MROH9: variants seen among roughly 807,000 people sequenced by gnomAD.
MROH9 encodes maestro heat-like repeat-containing protein family member 9.
MROH9 carries 92 observed loss-of-function variants against 98.2 expected under a neutral mutation model. The observed-to-expected ratio is 0.94, with a 90% CI of 0.79 to 1.11. The LOEUF is 1.11. MROH9 is among the 50% of genes most tolerant of loss of function. The pLI is 0.00. For missense variants in MROH9, 1,057 were observed against 1,014.8 expected (o/e 1.04, Z -0.57); for synonymous variants, 397 against 368.9 (o/e 1.08, Z -0.87).
intron 6 of MROH9, among the ~76,000 whole-genome samples, chr1:170,964,356 G>A (rs911398300): frequency 1.3e-5 from 2 of 151,974 alleles, no homozygotes. Flanking sequence ...ACAAGGCAGA[G>A]AGGCTGACCC....
Position 171,062,140 on chromosome 1 carries a change from G to A in MROH9, c.2290G>A (p.Ala764Thr). The A allele has an allele frequency of 6.5e-7, 1 of 1,546,836 alleles. No individual in the cohort carries two copies. Among genetic ancestry groups the A allele is most frequent in the Non-Finnish European group, 8.8e-7 (1 of 1,142,792 alleles). The change falls in exon 21 of 22, where the codon GCA becomes ACA. Residue 764 changes from alanine (A) to threonine (T), a missense_variant. Coordinates refer to ENST00000367759, the MANE Select transcript of MROH9 (RefSeq NM_001163629.2). ...RASVILIGYL[A>T]KSGGHLLLRD... is the part of the protein sequence containing the mutation. Reference sequence around the variant, plus strand: ...TTTTATTATGTGCATAGGATATTTGGCAAAATCAGGTGGTCATTTACTGCT... The same window carrying A: ...TTTTATTATGTGCATAGGATATTTGACAAAATCAGGTGGTCATTTACTGCT...
intron 17 of MROH9, among the ~76,000 whole-genome samples, chr1:171,016,940 A>T (rs1037611859): frequency 6.6e-6 from 1 of 152,160 alleles, no homozygotes; most frequent in Non-Finnish European, 1.5e-5. Context: ...TTTTTAAAGA[A>T]CTCCACAATA....
intron 10 of MROH9, among the ~76,000 whole-genome samples, chr1:170,989,242 G>A (rs1651261526): frequency 6.6e-6 from 1 of 152,144 alleles, no homozygotes. Flanking sequence ...GATCTGAGTG[G>A]ATTAAATTTG....
chr1:170,942,400 CA>C (rs1649156849), intron 1 of MROH9, among the ~76,000 whole-genome samples: 4 of 150,282 alleles, frequency 2.7e-5, no homozygotes, highest in African/African-American at 5.0e-5. Flanking sequence ...CACACACACA[CA>C]CACACACACC....
chr1:170,954,470 G>T (rs1301952969), intron 3 of MROH9, among the ~76,000 whole-genome samples: 2 of 152,062 alleles, frequency 1.3e-5, no homozygotes, highest in South Asian at 2.1e-4. Context: ...TGGGAGTAAA[G>T]ATGTCTCTTT....
chr1:170,971,158 T>C (rs1348530872), intron 7 of MROH9, among the ~76,000 whole-genome samples: 2 of 152,170 alleles, frequency 1.3e-5, no homozygotes, highest in East Asian at 3.9e-4. Flanking sequence ...TCTAAATATT[T>C]GATCAGTCTA....
At chr1:170,963,986 G>A (rs150493038) in intron 6 of MROH9, among the ~76,000 whole-genome samples, 248 of 152,132 alleles carry the variant, frequency 1.6e-3, no homozygotes, top group Non-Finnish European at 3.2e-3. Flanking sequence ...ACCCTTCACC[G>A]TGATTATGAA....
At position 171,064,301 on chromosome 1, in the gene MROH9, T is replaced by G. The variant is rs1292009319; in HGVS notation, c.2547T>G (p.Pro849=). 6.5e-7 allele frequency: 1 copy of G among 1,547,404 alleles called. No homozygotes were observed. The highest frequency in any genetic ancestry group is 1.2e-5 in the South Asian group (1 of 82,916). Residue 849 remains proline (P), a synonymous_variant, in exon 22 of 22, where the codon CCT becomes CCG. Transcript: ENST00000367759. ...CACCCAATGGCCAGATAGACAGTCCTACAGACAGTAAAGATGTCAAGAATG... is the reference window on the plus strand; with the variant it reads ...CACCCAATGGCCAGATAGACAGTCCGACAGACAGTAAAGATGTCAAGAATG... The part of the protein sequence containing the change: ...YNSPNGQIDS[P]TDSKDVKNDK...
At chr1:170,964,203 G>A (rs17621501) in intron 6 of MROH9, among the ~76,000 whole-genome samples, 12,144 of 152,022 alleles carry the variant, frequency 0.08, 622 homozygotes, top group Non-Finnish European at 0.11. Flanking sequence ...ACGGAGAAAG[G>A]AGCAATAATA....
chr1:171,055,429 T>C (rs544054325), intron 20 of MROH9, among the ~76,000 whole-genome samples: 1 of 152,010 alleles, frequency 6.6e-6, no homozygotes, highest in African/African-American at 2.4e-5. Context: ...AAGACCAGCC[T>C]GGCCAACATG....
At chr1:171,040,953 T>C (rs79953060) in intron 20 of MROH9, among the ~76,000 whole-genome samples, 3,826 of 152,156 alleles carry the variant, frequency 0.025, 166 homozygotes, top group African/African-American at 0.087. Context: ...TGTTATAATA[T>C]ATATCTCTGT....
chr1:171,014,211 T>A lies in MROH9; in HGVS notation c.1691T>A (p.Leu564Gln). Residue 564 changes from leucine (L) to glutamine (Q), a missense_variant, in exon 16 of 22, where the codon CTG (leucine) becomes CAG (glutamine). Leu to Gln is a moderately radical substitution (Grantham distance 113). Transcript: ENST00000367759. ...INDSNPVVSRLILHRIVHMSP... is the reference protein window; with the variant it reads ...INDSNPVVSRQILHRIVHMSP... ...GATTCCAATCCTGTAGTTAGCAGAC[T>A]GATCCTTCATAGAATTGTCCACATG... The A allele has an allele frequency of 6.4e-7, 1 of 1,551,354 alleles. No individual in the cohort carries two copies. Among genetic ancestry groups the A allele is most frequent in the African/African-American group, 1.4e-5 (1 of 73,166 alleles).
chr1:170,964,954 C>G (rs879797496), intron 6 of MROH9, among the ~76,000 whole-genome samples, 197 bp from the exon 7 acceptor site: 5 of 151,686 alleles, frequency 3.3e-5, no homozygotes, highest in Non-Finnish European at 7.4e-5. Context: ...TAAAATAAAA[C>G]CCAGATACAG....
chr1:171,022,654 G>A (rs1324352851), intron 17 of MROH9, among the ~76,000 whole-genome samples: 22 of 152,034 alleles, frequency 1.4e-4, no homozygotes, highest in Admixed American at 1.4e-3. Flanking sequence ...TGCATATGGG[G>A]CTTAAAACCT....
At chr1:170,941,732 G>A (rs530222988) in intron 1 of MROH9, among the ~76,000 whole-genome samples, 4 of 152,286 alleles carry the variant, frequency 2.6e-5, no homozygotes, top group South Asian at 2.1e-4. Flanking sequence ...ACAGAAAAGA[G>A]CAAGCACAGA....
intron 19 of MROH9, 77 bp downstream of exon 19, chr1:171,024,842 T>A: frequency 1.2e-6 from 1 of 852,900 alleles, no homozygotes; most frequent in Non-Finnish European, 1.9e-6. Context: ...ATAAAAACTG[T>A]AATGGGGATA....
chr1:170,989,989 AG>A lies in MROH9; in HGVS notation c.1015del (p.Val339PhefsTer7). The A allele has an allele frequency of 1.2e-6, 2 of 1,611,178 alleles. No homozygotes were observed. Among genetic ancestry groups the A allele is most frequent in the Non-Finnish European group, 1.7e-6 (2 of 1,178,056 alleles). On this transcript the variant is annotated frameshift_variant, in exon 11 of 22. Coordinates refer to ENST00000367759, the MANE Select transcript of MROH9 (RefSeq NM_001163629.2). LOFTEE classifies it high-confidence loss of function. ...KVIFQLMDYPVPADDTLIQMW... is the reference protein window; with the variant it reads ...KVIFQLMDYPXPADDTLIQMW... ...TCATCTTTCAACTTATGGACTACCCAGTTCCAGCAGACGAGTAAGGCCCCCC... is the reference window on the plus strand; with the variant it reads ...TCATCTTTCAACTTATGGACTACCCATTCCAGCAGACGAGTAAGGCCCCCC...
chr1:170,952,371 C>T (rs533409923), intron 3 of MROH9, among the ~76,000 whole-genome samples: 1 of 152,138 alleles, frequency 6.6e-6, no homozygotes, highest in East Asian at 1.9e-4. Context: ...CAATGATAGA[C>T]TGGATTAAGA....
At chr1:171,053,885 CAT>C (rs949529171) in intron 20 of MROH9, among the ~76,000 whole-genome samples, 18 of 151,810 alleles carry the variant, frequency 1.2e-4, no homozygotes, top group Middle Eastern at 3.2e-3. Flanking sequence ...AATGGTCTAA[CAT>C]ATAGATTTCA....
Sources: gnomAD v4.1 joint callset for allele counts (sites outside exome capture counted in the v4.1 genomes callset) on GRCh38, gnomAD v4.1.1 for gene constraint, MANE v1.5 for transcripts, NCBI Gene and HGNC (gene_info 2026-07-23, HGNC 2026-07-21) for gene names.